The following CNTN4 variants were observed in gnomAD, a reference collection of about 807,000 sequenced individuals.
CNTN4 encodes the protein contactin-4.
A neutral mutation model predicts 122.5 loss-of-function variants in CNTN4; 77 were observed. That is an observed-to-expected ratio of 0.63 (90% CI 0.52 to 0.76). The LOEUF (loss-of-function observed/expected upper bound fraction) is 0.76, where lower values mean the gene tolerates loss of function less well. CNTN4 is among the 30% of genes least tolerant of loss of function. CNTN4 has a pLI of 0.00. For missense variants in CNTN4, 1,256 were observed against 1,259.1 expected, an observed-to-expected ratio of 1.00 and a Z score of 0.04; for synonymous variants, 512 against 447.0, an observed-to-expected ratio of 1.15 and a Z score of -1.83.
At chr3:2,504,731 C>A (rs955105181) in intron 3 of CNTN4, among the ~76,000 whole-genome samples, 1 of 152,098 alleles carries the variant, frequency 6.6e-6, no homozygotes, top group Non-Finnish European at 1.5e-5. Flanking sequence ...AACAACAGGA[C>A]AAATTGACCA....
intron 4 of CNTN4, among the ~76,000 whole-genome samples, chr3:2,647,729 C>T (rs2083192102): frequency 6.6e-6 from 1 of 152,112 alleles, no homozygotes; most frequent in Admixed American, 6.6e-5. Flanking sequence ...CAAACAGATG[C>T]AAACTAAGAC....
intron 2 of CNTN4, among the ~76,000 whole-genome samples, chr3:2,271,079 C>T (rs770831657): frequency 2.6e-5 from 4 of 152,086 alleles, no homozygotes; most frequent in African/African-American, 4.8e-5. Flanking sequence ...TGGTAGAAAA[C>T]GAAATATCAT....
intron 6 of CNTN4, among the ~76,000 whole-genome samples, chr3:2,765,163 G>C: frequency 6.6e-6 from 1 of 152,224 alleles, no homozygotes; most frequent in Non-Finnish European, 1.5e-5. Context: ...TAGGTGAAAA[G>C]GTGAAGCCGT....
At chr3:2,206,877 C>CTTTTTTTTTT (rs71056400) in intron 2 of CNTN4, among the ~76,000 whole-genome samples, 1 of 142,422 alleles carries the variant, frequency 7.0e-6, no homozygotes, top group African/African-American at 2.6e-5. Context: ...GCAGATACTG[C>CTTTTTTTTTT]TTTTTTTTTT....
chr3:2,746,101 A>ACC (rs1314082221), intron 6 of CNTN4, among the ~76,000 whole-genome samples: 3 of 8,912 alleles, frequency 3.4e-4, no homozygotes, highest in South Asian at 2.6e-3. Context: ...ACACACACAC[A>ACC]CACACACACA....
intron 3 of CNTN4, among the ~76,000 whole-genome samples, chr3:2,499,366 T>G (rs66503509): frequency 6.6e-6 from 1 of 152,066 alleles, no homozygotes; most frequent in Non-Finnish European, 1.5e-5. Flanking sequence ...ATAGAGTTTA[T>G]TTTGGAGGAT....
chr3:2,801,784 T>C (rs1221127242), intron 6 of CNTN4, among the ~76,000 whole-genome samples: 1 of 150,816 alleles, frequency 6.6e-6, no homozygotes, highest in Non-Finnish European at 1.5e-5. Context: ...AGTGTTTTTT[T>C]ATTCTGGTCC....
chr3:2,882,953 A>C (rs2093929352), intron 8 of CNTN4, 192 bp from the exon 9 acceptor site: 2 of 538,066 alleles, frequency 3.7e-6, no homozygotes, highest in African/African-American at 3.8e-5. Context: ...CTGCGACACA[A>C]ATTTTTCTGT....
chr3:2,979,926 C>A (rs563129985), intron 13 of CNTN4, among the ~76,000 whole-genome samples: 1 of 152,252 alleles, frequency 6.6e-6, no homozygotes, highest in African/African-American at 2.4e-5. Flanking sequence ...CATAGGTCTC[C>A]ATTTTGGGAT....
chr3:2,363,385 T>C lies in CNTN4; in HGVS notation c.-89+24152T>C, dbSNP rs2045241454. 3.9e-5 allele frequency among the ~76,000 whole-genome samples: 6 copies of C among 152,328 alleles called. No homozygotes were observed. The South Asian group carries it at 1.0e-3, about 26-fold the overall frequency. On this transcript the variant is annotated intron_variant, in intron 3 of 24. Transcript: ENST00000418658. ...AAACCAGGTCTCAGAAGTTCTAAAATGCCCTAGTAGGTTAAGACTACAATT... is the reference window on the plus strand; with the variant it reads ...AAACCAGGTCTCAGAAGTTCTAAAACGCCCTAGTAGGTTAAGACTACAATT...
At chr3:2,830,348 A>G (rs182935676) in intron 7 of CNTN4, among the ~76,000 whole-genome samples, 6 of 152,348 alleles carry the variant, frequency 3.9e-5, no homozygotes, top group Admixed American at 3.9e-4. Flanking sequence ...ACTGGAGGCC[A>G]CTGATGTCAG....
intron 2 of CNTN4, among the ~76,000 whole-genome samples, chr3:2,173,007 A>G (rs1480446861): frequency 6.6e-6 from 1 of 152,196 alleles, no homozygotes; most frequent in Non-Finnish European, 1.5e-5. Context: ...AGTGATCTGC[A>G]ACGTGGTAGA....
chr3:2,216,155 A>G (rs2038831823), intron 2 of CNTN4, among the ~76,000 whole-genome samples: 1 of 152,206 alleles, frequency 6.6e-6, no homozygotes, highest in Non-Finnish European at 1.5e-5. Context: ...TCAATGATAG[A>G]TTGGATAAAG....
At chr3:2,323,181 A>C (rs2043329402) in intron 2 of CNTN4, among the ~76,000 whole-genome samples, 1 of 152,094 alleles carries the variant, frequency 6.6e-6, no homozygotes, top group South Asian at 2.1e-4. Flanking sequence ...ATAGACATGC[A>C]CCGCTGGAAC....
intron 2 of CNTN4, among the ~76,000 whole-genome samples, chr3:2,198,738 G>A (rs1173382168): frequency 2.6e-5 from 4 of 152,082 alleles, no homozygotes; most frequent in African/African-American, 9.7e-5. Context: ...CATTTTCAAA[G>A]CTATTTCTTT....
rs1262978928 is a variant in CNTN4, at chr3:2,737,876, T to C, written c.182+1535T>C. Among the ~76,000 whole-genome samples the C allele has an allele frequency of 2.0e-5, 3 of 152,306 alleles. No homozygotes were observed. In the East Asian group the frequency reaches 5.8e-4, roughly 29 times the overall value. On this transcript the variant is annotated intron_variant, in intron 5 of 24. Transcript: ENST00000418658. ...CAAAGAGACTCAAAAGCACAGGTAA[T>C]TGTGTCTTTCAAACATTAAACCTTA...
At chr3:2,595,766 C>T (rs571927899) in intron 4 of CNTN4, among the ~76,000 whole-genome samples, 11 of 152,242 alleles carry the variant, frequency 7.2e-5, no homozygotes, top group African/African-American at 2.4e-4. Flanking sequence ...GAGTATCCAG[C>T]GTTATTTTGA....
At chr3:2,424,818 G>T (rs2047754454) in intron 3 of CNTN4, among the ~76,000 whole-genome samples, 1 of 152,204 alleles carries the variant, frequency 6.6e-6, no homozygotes. Flanking sequence ...GATGGCCAGT[G>T]ATGGTGAGCA....
intron 3 of CNTN4, among the ~76,000 whole-genome samples, chr3:2,522,896 A>G (rs115121261): frequency 0.032 from 4,920 of 152,190 alleles, 128 homozygotes; most frequent in Non-Finnish European, 0.046. Context: ...GAAATCAGAA[A>G]ATAAAAAGTA....
Sources: allele counts gnomAD v4.1 joint callset (sites outside exome capture counted in the v4.1 genomes callset), GRCh38; gene constraint gnomAD v4.1.1; transcripts MANE v1.5; gene names NCBI Gene and HGNC (gene_info 2026-07-23, HGNC 2026-07-21).